The following TMTC1 variants were observed in gnomAD, a reference collection of about 807,000 sequenced individuals.
The protein encoded by TMTC1 is transmembrane O-mannosyltransferase targeting cadherins 1.
A neutral mutation model predicts 104.8 loss-of-function variants in TMTC1; 73 were observed. That is an observed-to-expected ratio of 0.70 (90% CI 0.58 to 0.85). TMTC1 has a LOEUF of 0.85. Ranked by LOEUF, TMTC1 falls within the 40% of genes least tolerant of loss-of-function variation. TMTC1 has a pLI of 0.00. For missense variants in TMTC1, 1,035 were observed against 1,096.1 expected (o/e 0.94, Z 0.79); for synonymous variants, 434 against 428.7 (o/e 1.01, Z -0.15).
chr12:29,585,608 A>G (rs1946112039), intron 7 of TMTC1, among the ~76,000 whole-genome samples: 1 of 152,278 alleles, frequency 6.6e-6, no homozygotes, highest in South Asian at 2.1e-4. Context: ...ATCTTGAATT[A>G]ATTTTTTGTA....
intron 8 of TMTC1, 24 bp downstream of exon 8, chr12:29,583,383 T>C (rs756324284): frequency 6.3e-7 from 1 of 1,597,388 alleles, no homozygotes; most frequent in Admixed American, 1.7e-5. Context: ...AGGAAGATAT[T>C]TATTTTTATC....
chr12:29,531,276 C>T (rs1944496218), intron 11 of TMTC1, among the ~76,000 whole-genome samples: 2 of 152,138 alleles, frequency 1.3e-5, no homozygotes, highest in South Asian at 4.1e-4. Flanking sequence ...GCTGAATGTA[C>T]CTCAAATATA....
At chr12:29,556,280 A>G (rs1370718164) in intron 10 of TMTC1, among the ~76,000 whole-genome samples, 2 of 152,256 alleles carry the variant, frequency 1.3e-5, no homozygotes, top group Non-Finnish European at 2.9e-5. Flanking sequence ...CCTAAGCACC[A>G]AAGTCATCAC....
At chr12:29,557,383 C>A (rs1193716237) in intron 9 of TMTC1, among the ~76,000 whole-genome samples, 1 of 152,182 alleles carries the variant, frequency 6.6e-6, no homozygotes, top group Non-Finnish European at 1.5e-5. Context: ...TGTGCAGGGT[C>A]CACTATTTAC....
intron 5 of TMTC1, among the ~76,000 whole-genome samples, chr12:29,685,408 C>A (rs1360018088): frequency 6.8e-6 from 1 of 147,884 alleles, no homozygotes; most frequent in Non-Finnish European, 1.5e-5. Flanking sequence ...GAATAGCCAA[C>A]AAACTGATAC....
intron 8 of TMTC1, among the ~76,000 whole-genome samples, chr12:29,581,842 G>A (rs1189444098): frequency 6.6e-6 from 1 of 152,120 alleles, no homozygotes; most frequent in African/African-American, 2.4e-5. Context: ...TGTGTTTACC[G>A]AATGACCTTA....
In TMTC1 at chr12:29,783,761, G is replaced by A; in HGVS notation, c.-10C>T. 1 of 1,151,086 alleles carries A rather than the reference G, an allele frequency of 8.7e-7. No homozygotes were observed. The highest frequency in any genetic ancestry group is 1.1e-6 in the Non-Finnish European group (1 of 939,144). 71.3% of individuals were successfully genotyped at this position (1,151,086 alleles called of 1,614,324 possible). A position where few individuals can be genotyped will look rare whatever the true frequency, so the allele number is the denominator to read the frequency against. ...AGGTGGTCACCACCATCGCGCCGCC[G>A]CCGCCGCTGCTGCCCTGGCCTCTCC... On this transcript the variant is annotated 5_prime_UTR_variant, in exon 1 of 18. Coordinates refer to ENST00000539277, the MANE Select transcript of TMTC1 (RefSeq NM_001193451.2). This position sits in a 1 kb window ranked among gnomAD's most constrained non-coding sequence, Gnocchi z 4.7.
intron 5 of TMTC1, among the ~76,000 whole-genome samples, chr12:29,636,402 G>A (rs982640044): frequency 6.6e-6 from 1 of 152,122 alleles, no homozygotes; most frequent in Non-Finnish European, 1.5e-5. Flanking sequence ...TTTACGTTTT[G>A]GCCTTGCTCT....
chr12:29,740,678 CTA>C (rs1942801951), intron 5 of TMTC1, among the ~76,000 whole-genome samples: 1 of 152,162 alleles, frequency 6.6e-6, no homozygotes, highest in Non-Finnish European at 1.5e-5. Context: ...CAGGGTCTCT[CTA>C]TGTTGCCAGG....
At chr12:29,525,317 G>C (rs1944310281) in intron 11 of TMTC1, among the ~76,000 whole-genome samples, 1 of 151,332 alleles carries the variant, frequency 6.6e-6, no homozygotes, top group South Asian at 2.1e-4. Flanking sequence ...CAATTAGCTG[G>C]GATTACAGGC....
At chr12:29,606,978 C>G (rs1193620598) in intron 6 of TMTC1, among the ~76,000 whole-genome samples, 4 of 152,038 alleles carry the variant, frequency 2.6e-5, no homozygotes, top group African/African-American at 7.2e-5. Context: ...TTCCTGCCCC[C>G]CCCCCTCACT....
intron 10 of TMTC1, among the ~76,000 whole-genome samples, chr12:29,536,704 G>C (rs780186541): frequency 5.9e-5 from 9 of 152,042 alleles, no homozygotes; most frequent in Non-Finnish European, 8.8e-5. Flanking sequence ...AAGATATTTG[G>C]GTCCCTGTAG....
intron 5 of TMTC1, among the ~76,000 whole-genome samples, chr12:29,673,645 G>A (rs995557096): frequency 3.4e-5 from 5 of 148,092 alleles, no homozygotes; most frequent in African/African-American, 7.5e-5. Flanking sequence ...TTTACTTATC[G>A]TTTCCAAAGA....
At chr12:29,730,747 A>G (rs1353177359) in intron 5 of TMTC1, among the ~76,000 whole-genome samples, 1 of 152,218 alleles carries the variant, frequency 6.6e-6, no homozygotes, top group African/African-American at 2.4e-5. Flanking sequence ...TAATAATAAC[A>G]GCTGTTAGCT....
chr12:29,752,191 T>C (rs1009545098), intron 4 of TMTC1, among the ~76,000 whole-genome samples: 1 of 151,728 alleles, frequency 6.6e-6, no homozygotes, highest in African/African-American at 2.4e-5. Context: ...CCAAATAGGT[T>C]TCTCTCAGAA....
chr12:29,526,869 A>T (rs1944363310), intron 11 of TMTC1, among the ~76,000 whole-genome samples: 1 of 152,196 alleles, frequency 6.6e-6, no homozygotes, highest in African/African-American at 2.4e-5. Flanking sequence ...ACCAAGACAT[A>T]TCAGAATTTT....
chr12:29,775,981 G>T (rs924431790), intron 1 of TMTC1, among the ~76,000 whole-genome samples: 2 of 152,072 alleles, frequency 1.3e-5, no homozygotes, highest in Admixed American at 6.5e-5. Context: ...TTCCTCCCAA[G>T]AATCCAGCAC....
intron 5 of TMTC1, among the ~76,000 whole-genome samples, chr12:29,653,063 T>C (rs1276436328): frequency 1.3e-5 from 2 of 151,280 alleles, no homozygotes; most frequent in African/African-American, 2.4e-5. Context: ...CTGTGAACTG[T>C]GTCTCATAAA....
At chr12:29,594,918 AAAG>A (rs1278354816) in intron 7 of TMTC1, among the ~76,000 whole-genome samples, 3 of 152,234 alleles carry the variant, frequency 2.0e-5, no homozygotes, top group Non-Finnish European at 2.9e-5. Context: ...TTGAAGAACC[AAAG>A]GAGGAAGAAA....
Sources: allele counts gnomAD v4.1 joint callset (sites outside exome capture counted in the v4.1 genomes callset), GRCh38; gene constraint gnomAD v4.1.1; non-coding constraint Gnocchi (gnomAD v3.1); transcripts MANE v1.5; gene names NCBI Gene and HGNC (gene_info 2026-07-23, HGNC 2026-07-21).